Variants in CHRM2 observed in about 807,000 individuals in gnomAD.
The protein encoded by CHRM2 is muscarinic acetylcholine receptor M2.
Under a neutral mutation model 25.0 loss-of-function variants are expected in CHRM2, and 8 were observed. The ratio of observed to expected loss-of-function variants is 0.32; its 90% CI spans 0.19 to 0.58. CHRM2 has a LOEUF of 0.58. Ranked by LOEUF, CHRM2 falls within the 20% of genes least tolerant of loss-of-function variation. CHRM2 has a pLI of 0.88. For missense variants in CHRM2, 440 were observed against 567.1 expected, an observed-to-expected ratio of 0.78 and a Z score of 2.28; for synonymous variants, 202 against 205.7, an observed-to-expected ratio of 0.98 and a Z score of 0.15.
chr7:136,980,787 G>T (rs879938317), intron 2 of CHRM2, among the ~76,000 whole-genome samples: 4 of 152,206 alleles, frequency 2.6e-5, no homozygotes, highest in Non-Finnish European at 4.4e-5. Context: ...TCCCAGGGAT[G>T]AAGCTGACTT....
At chr7:136,903,026 TAAACAA>T (rs1797317558) in intron 2 of CHRM2, 2 of 488,454 alleles carry the variant, frequency 4.1e-6, no homozygotes, top group African/African-American at 4.0e-5. Context: ...CCAGCAACTT[TAAACAA>T]TAGGCCAGAG....
chr7:136,974,302 T>C (rs1563100750), intron 2 of CHRM2, among the ~76,000 whole-genome samples: 1 of 152,316 alleles, frequency 6.6e-6, no homozygotes, highest in Non-Finnish European at 1.5e-5. Flanking sequence ...TTCTATGTGC[T>C]GGATGCTGTG....
intron 2 of CHRM2, among the ~76,000 whole-genome samples, chr7:136,986,088 GA>G (rs1191043641): frequency 2.0e-5 from 3 of 152,064 alleles, no homozygotes; most frequent in Non-Finnish European, 4.4e-5. Flanking sequence ...TCTCATCCTA[GA>G]AATAGATGAG....
At chr7:136,977,754 G>A (rs1051904424) in intron 2 of CHRM2, among the ~76,000 whole-genome samples, 2 of 152,124 alleles carry the variant, frequency 1.3e-5, no homozygotes, top group African/African-American at 2.4e-5. Flanking sequence ...TGTTCCACTT[G>A]TCAATCATTT....
chr7:136,981,209 G>A (rs192949026), intron 2 of CHRM2, among the ~76,000 whole-genome samples: 1 of 152,234 alleles, frequency 6.6e-6, no homozygotes, highest in African/African-American at 2.4e-5. Context: ...ATTTCTTCTA[G>A]ATTTTTTAAT....
At chr7:136,926,927 C>T (rs183438739) in intron 2 of CHRM2, among the ~76,000 whole-genome samples, 40 of 152,238 alleles carry the variant, frequency 2.6e-4, no homozygotes, top group Non-Finnish European at 4.9e-4. Flanking sequence ...TCAGTGGATC[C>T]CCTTGTTGCA....
chr7:136,931,522 T>C (rs1018789148), intron 2 of CHRM2, among the ~76,000 whole-genome samples: 3 of 152,296 alleles, frequency 2.0e-5, no homozygotes, highest in Non-Finnish European at 1.5e-5. Context: ...ATACTTACAA[T>C]TGGTGACAGT....
chr7:136,896,545 A>C (rs1273070717), intron 2 of CHRM2, among the ~76,000 whole-genome samples: 1 of 152,100 alleles, frequency 6.6e-6, no homozygotes, highest in Non-Finnish European at 1.5e-5. Context: ...TTTTGGATAT[A>C]GTAATTCTAC....
chr7:136,903,284 G>A (rs201557193), intron 2 of CHRM2: 10 of 531,200 alleles, frequency 1.9e-5, no homozygotes, highest in Non-Finnish European at 3.5e-5. Flanking sequence ...CACAAGCAGC[G>A]GACACTTCCA....
intron 2 of CHRM2, among the ~76,000 whole-genome samples, chr7:136,894,591 C>T (rs1404569743): frequency 3.9e-5 from 6 of 151,962 alleles, no homozygotes; most frequent in African/African-American, 7.3e-5. Flanking sequence ...AGGCTGGTCT[C>T]GAACTCCTGA....
intron 2 of CHRM2, among the ~76,000 whole-genome samples, chr7:136,938,912 T>C (rs1799588700): frequency 2.1e-5 from 1 of 47,448 alleles, no homozygotes; most frequent in Non-Finnish European, 3.4e-5. Flanking sequence ...CAGCTAGCTC[T>C]GCCAAAAAAA....
intron 2 of CHRM2, among the ~76,000 whole-genome samples, chr7:136,906,425 T>C (rs1797555575): frequency 6.6e-6 from 1 of 151,566 alleles, no homozygotes; most frequent in Non-Finnish European, 1.5e-5. Context: ...TGTGTGTGTA[T>C]GTGTATATGT....
intron 2 of CHRM2, among the ~76,000 whole-genome samples, chr7:136,929,028 C>T (rs1584772017): frequency 6.6e-6 from 1 of 152,214 alleles, no homozygotes; most frequent in Admixed American, 6.5e-5. Context: ...AAAGGGCTTC[C>T]ATTCCCCTCC....
chr7:137,015,828 G>A lies in CHRM2; in HGVS notation c.963G>A (p.Lys321=). The change falls in exon 4 of 4, where the codon AAG becomes AAA. Residue 321 remains lysine (K), a synonymous_variant. Transcript: ENST00000680005. The surrounding 1 kb of genome is among the most constrained non-coding windows in gnomAD (Gnocchi z 5.1). ...GCCATTCCAAAGATGAGAACTCTAA[G>A]CAAACATGCATCAGAATTGGCACCA... ...SLGHSKDENS[K]QTCIRIGTKT... is the part of the protein sequence containing the mutation. The A allele has an allele frequency of 6.2e-7, 1 of 1,612,928 alleles. No individual in the cohort carries two copies. Among genetic ancestry groups the A allele is most frequent in the Non-Finnish European group, 8.5e-7 (1 of 1,179,334 alleles).
chr7:136,903,550 T>C (rs1797357754), intron 2 of CHRM2, among the ~76,000 whole-genome samples: 1 of 152,026 alleles, frequency 6.6e-6, no homozygotes, highest in Non-Finnish European at 1.5e-5. Context: ...AATATTTGTT[T>C]GTGAATTTTA....
chr7:136,910,031 G>A (rs1797758292), intron 2 of CHRM2, among the ~76,000 whole-genome samples: 1 of 151,812 alleles, frequency 6.6e-6, no homozygotes, highest in African/African-American at 2.4e-5. Context: ...GTAACTGAGT[G>A]AGTAGTGGCA....
intron 2 of CHRM2, among the ~76,000 whole-genome samples, chr7:136,888,484 G>A (rs1214816119): frequency 6.6e-6 from 1 of 152,138 alleles, no homozygotes; most frequent in South Asian, 2.1e-4. Flanking sequence ...AATTACATAT[G>A]TGAATAGGAA....
At chr7:136,903,116 G>C in intron 2 of CHRM2, 1 of 533,358 alleles carries the variant, frequency 1.9e-6, no homozygotes, top group Admixed American at 1.9e-5. Flanking sequence ...TGTAGGTGTA[G>C]GTTTTTTATT....
intron 2 of CHRM2, among the ~76,000 whole-genome samples, chr7:136,952,877 T>C (rs1159294435): frequency 6.6e-6 from 1 of 152,136 alleles, no homozygotes; most frequent in African/African-American, 2.4e-5. Context: ...TAGTTTCATG[T>C]TGGATTCATG....
Sources: allele counts gnomAD v4.1 joint callset (sites outside exome capture counted in the v4.1 genomes callset), GRCh38; gene constraint gnomAD v4.1.1; non-coding constraint Gnocchi (gnomAD v3.1); transcripts MANE v1.5; gene names NCBI Gene and HGNC (gene_info 2026-07-23, HGNC 2026-07-21).